LRMDA: variants seen among roughly 807,000 people sequenced by gnomAD.
The protein encoded by LRMDA is leucine-rich melanocyte differentiation-associated protein.
Under a neutral mutation model 29.8 loss-of-function variants are expected in LRMDA, and 18 were observed. The ratio of observed to expected loss-of-function variants is 0.60; its 90% CI spans 0.42 to 0.90. LRMDA has a LOEUF of 0.90. Among genes scored for constraint, LRMDA ranks in the 40% least tolerant of loss-of-function variants. LRMDA has a pLI of 0.00. For missense variants in LRMDA, 273 were observed against 273.9 expected, an observed-to-expected ratio of 1.00 and a Z score of 0.02; for synonymous variants, 125 against 109.4, an observed-to-expected ratio of 1.14 and a Z score of -0.89.
At chr10:75,786,898 A>G (rs569139474) in intron 2 of LRMDA, among the ~76,000 whole-genome samples, 7 of 152,346 alleles carry the variant, frequency 4.6e-5, no homozygotes, top group African/African-American at 1.4e-4. Context: ...CCTGGTCCAC[A>G]AGGATGAATC....
intron 2 of LRMDA, among the ~76,000 whole-genome samples, chr10:75,979,008 C>T (rs1268301809): frequency 3.3e-5 from 5 of 152,150 alleles, no homozygotes; most frequent in Admixed American, 2.0e-4. Flanking sequence ...CTTGGACTTT[C>T]CATGCATCAC....
intron 5 of LRMDA, among the ~76,000 whole-genome samples, chr10:76,072,725 C>G (rs1015457260): frequency 2.6e-5 from 4 of 152,344 alleles, no homozygotes; most frequent in Middle Eastern, 6.8e-3. Flanking sequence ...TGCTACTTTC[C>G]TGTTCCCAGA....
chr10:75,887,633 G>A (rs534213985), intron 2 of LRMDA, among the ~76,000 whole-genome samples: 1 of 152,206 alleles, frequency 6.6e-6, no homozygotes, highest in South Asian at 2.1e-4. Context: ...TGCAACTTCA[G>A]ATTTGTGTCA....
intron 2 of LRMDA, among the ~76,000 whole-genome samples, chr10:75,595,326 C>G (rs897161106): frequency 6.6e-6 from 1 of 152,078 alleles, no homozygotes; most frequent in Admixed American, 6.6e-5. Flanking sequence ...AGGATAATAA[C>G]AAGAATGTTA....
chr10:75,914,705 A>G (rs1025934386), intron 2 of LRMDA, among the ~76,000 whole-genome samples: 5 of 152,170 alleles, frequency 3.3e-5, no homozygotes, highest in African/African-American at 4.8e-5. Flanking sequence ...CTTCTTCTCA[A>G]ATGATCTTTC....
intron 6 of LRMDA, among the ~76,000 whole-genome samples, chr10:76,408,025 C>A (rs945104465): frequency 2.0e-5 from 3 of 152,146 alleles, no homozygotes; most frequent in Admixed American, 6.5e-5. Context: ...GCCAAGAACG[C>A]AAGTTTCCCT....
rs74696084 is a variant in LRMDA, at chr10:75,649,122, C to T, written c.131+210628C>T. Among the ~76,000 whole-genome samples the T allele has an allele frequency of 9.2e-3, 1,394 of 152,308 alleles. 26 individuals are homozygous for T. Among genetic ancestry groups the T allele is most frequent in the South Asian group, 0.029 (140 of 4,812 alleles). ...ACAGTAACTCCCCATTCCTCCCTCC[C>T]CTTAGCCCCTAGCAACCACAATTCT... On this transcript the variant is annotated intron_variant, in intron 2 of 6. Transcript: ENST00000611255.
chr10:75,918,906 T>C (rs1328411126), intron 2 of LRMDA, among the ~76,000 whole-genome samples: 1 of 152,112 alleles, frequency 6.6e-6, no homozygotes, highest in Non-Finnish European at 1.5e-5. Flanking sequence ...AAAAAAAAGA[T>C]GGAGCAGACA....
intron 2 of LRMDA, among the ~76,000 whole-genome samples, chr10:75,706,786 C>T (rs1842375179): frequency 6.9e-6 from 1 of 144,872 alleles, no homozygotes; most frequent in South Asian, 2.2e-4. Context: ...GAGTTTATAC[C>T]TGAGGCCATC....
At chr10:75,984,549 TGCATGA>T (rs1394368320) in intron 2 of LRMDA, among the ~76,000 whole-genome samples, 1 of 152,254 alleles carries the variant, frequency 6.6e-6, no homozygotes, top group Non-Finnish European at 1.5e-5. Context: ...TCCTTCATGC[TGCATGA>T]GCAGGAGCAG....
At chr10:76,059,585 G>A (rs944043370) in intron 5 of LRMDA, among the ~76,000 whole-genome samples, 7 of 152,186 alleles carry the variant, frequency 4.6e-5, no homozygotes, top group African/African-American at 1.7e-4. Flanking sequence ...GCTCTGTGGA[G>A]CTGTGTGGTC....
chr10:75,976,315 T>G (rs1847069088), intron 2 of LRMDA, among the ~76,000 whole-genome samples: 1 of 152,272 alleles, frequency 6.6e-6, no homozygotes, highest in African/African-American at 2.4e-5. Flanking sequence ...TTGGTTAAGT[T>G]GGTCCCTTCT....
intron 5 of LRMDA, among the ~76,000 whole-genome samples, chr10:76,099,717 T>C (rs1400414582): frequency 6.6e-6 from 1 of 152,214 alleles, no homozygotes; most frequent in East Asian, 1.9e-4. Flanking sequence ...TATTCATTAC[T>C]AGTTTAATTT....
chr10:76,444,289 T>C (rs1248179879), intron 6 of LRMDA, among the ~76,000 whole-genome samples: 1 of 152,106 alleles, frequency 6.6e-6, no homozygotes, highest in Non-Finnish European at 1.5e-5. Flanking sequence ...CCACCCAGGC[T>C]CAGCCCAGCA....
chr10:75,450,459 A>G (rs1015781990), intron 2 of LRMDA: 1 of 145,874 alleles, frequency 6.9e-6, no homozygotes, highest in African/African-American at 2.5e-5. Context: ...GACCAACAAA[A>G]GAGGTTTAAA....
intron 2 of LRMDA, among the ~76,000 whole-genome samples, chr10:75,627,114 A>G (rs910192182): frequency 1.1e-4 from 17 of 152,192 alleles, no homozygotes; most frequent in Non-Finnish European, 2.5e-4. Context: ...GCCAGTGCTT[A>G]CCCTTGCAAA....
intron 5 of LRMDA, among the ~76,000 whole-genome samples, chr10:76,265,058 C>A (rs1234905137): frequency 1.3e-5 from 2 of 152,146 alleles, no homozygotes; most frequent in Non-Finnish European, 2.9e-5. Flanking sequence ...GAAATGGATT[C>A]TCCCTCTTCA....
intron 5 of LRMDA, among the ~76,000 whole-genome samples, chr10:76,130,682 G>A (rs1279681316): frequency 1.3e-5 from 2 of 151,772 alleles, no homozygotes; most frequent in Admixed American, 6.6e-5. Context: ...TTTATGAGAC[G>A]AAGTTTCACT....
At chr10:76,554,474 G>A (rs774121528) in intron 6 of LRMDA, among the ~76,000 whole-genome samples, 2 of 152,150 alleles carry the variant, frequency 1.3e-5, no homozygotes, top group African/African-American at 2.4e-5. Context: ...CTGTTTTCCT[G>A]TCAAGAGATC....
Sources: allele counts gnomAD v4.1 joint callset (sites outside exome capture counted in the v4.1 genomes callset), GRCh38; gene constraint gnomAD v4.1.1; transcripts MANE v1.5; gene names NCBI Gene and HGNC (gene_info 2026-07-23, HGNC 2026-07-21).